The following GFOD1 variants were observed in gnomAD, a reference collection of about 807,000 sequenced individuals.
GFOD1 encodes the protein Gfo/Idh/MocA-like oxidoreductase domain containing 1, also known as glucose-fructose oxidoreductase domain-containing protein 1.
A neutral mutation model predicts 25.4 loss-of-function variants in GFOD1; 9 were observed. The observed-to-expected ratio is 0.35, with a 90% CI of 0.21 to 0.62. The LOEUF is 0.62. Among genes scored for constraint, GFOD1 ranks in the 20% least tolerant of loss-of-function variants. The pLI is 0.72. For missense variants in GFOD1, 403 were observed against 556.9 expected (o/e 0.72, Z 2.78); for synonymous variants, 253 against 245.6 (o/e 1.03, Z -0.28).
intron 1 of GFOD1, among the ~76,000 whole-genome samples, chr6:13,377,645 A>T (rs770163890): frequency 3.5e-4 from 53 of 152,196 alleles, no homozygotes; most frequent in Non-Finnish European, 6.5e-4. Flanking sequence ...GCCCACCCAG[A>T]TGATCCCCTT....
At chr6:13,398,235 T>C (rs1328779221) in intron 1 of GFOD1, among the ~76,000 whole-genome samples, 1 of 152,242 alleles carries the variant, frequency 6.6e-6, no homozygotes, top group Non-Finnish European at 1.5e-5. Context: ...AGATCAGGTA[T>C]GTACATACCT....
At chr6:13,452,744 CA>C (rs1364590257) in intron 1 of GFOD1, among the ~76,000 whole-genome samples, 1 of 151,984 alleles carries the variant, frequency 6.6e-6, no homozygotes, top group African/African-American at 2.4e-5. Flanking sequence ...GCCAAGCAGG[CA>C]GACTTAGCTT....
At chr6:13,416,634 C>T (rs890772561) in intron 1 of GFOD1, among the ~76,000 whole-genome samples, 1 of 152,076 alleles carries the variant, frequency 6.6e-6, no homozygotes, top group African/African-American at 2.4e-5. Flanking sequence ...GGTCTGTAGT[C>T]CTTGGTAAGA....
chr6:13,485,242 T>C (rs144787694), intron 1 of GFOD1, among the ~76,000 whole-genome samples: 11 of 152,368 alleles, frequency 7.2e-5, no homozygotes, highest in Admixed American at 3.3e-4. Context: ...TGCCTTTCTA[T>C]GGAGAAAGAG....
chr6:13,397,820 A>T (rs989874944), intron 1 of GFOD1, among the ~76,000 whole-genome samples: 9 of 152,250 alleles, frequency 5.9e-5, no homozygotes, highest in African/African-American at 2.2e-4. Flanking sequence ...GGCAGGGGCA[A>T]ACCTTTGCAA....
intron 1 of GFOD1, among the ~76,000 whole-genome samples, chr6:13,374,263 T>TG (rs1330621840): frequency 1.6e-4 from 11 of 70,632 alleles, no homozygotes; most frequent in East Asian, 1.5e-3. Flanking sequence ...TTTAAAAATA[T>TG]GTTTTTTTTT....
At chr6:13,427,559 G>A (rs1377787391) in intron 1 of GFOD1, among the ~76,000 whole-genome samples, 1 of 152,182 alleles carries the variant, frequency 6.6e-6, no homozygotes, top group Admixed American at 6.5e-5. Flanking sequence ...ACTGAGGCAG[G>A]AGGATCGCGT....
intron 1 of GFOD1, among the ~76,000 whole-genome samples, chr6:13,409,321 G>A (rs976172762): frequency 6.8e-6 from 1 of 146,200 alleles, no homozygotes; most frequent in Non-Finnish European, 1.5e-5. Flanking sequence ...AGGAAGAAAG[G>A]AAGGAAGGAG....
chr6:13,404,333 G>T (rs1305443329), intron 1 of GFOD1, among the ~76,000 whole-genome samples: 1 of 152,202 alleles, frequency 6.6e-6, no homozygotes, highest in Non-Finnish European at 1.5e-5. Context: ...GAGGGAAACT[G>T]CAGCCAGCCA....
Position 13,362,361 on chromosome 6 carries a change from C to G in GFOD1, c.*2382G>C, listed in dbSNP as rs1407710727. The G allele has an allele frequency of 6.6e-6, 1 of 150,880 alleles. No individual in the cohort carries two copies. The highest frequency in any genetic ancestry group is 1.5e-5 in the Non-Finnish European group (1 of 68,078). The allele number at this position is 150,880 out of a possible 1,614,324, so 9.3% of individuals were successfully genotyped here. ...CCCGTAGTCCCTGCTGCTCGGGAGG[C>G]TGAGACAGGAGAATCGCTTGAACCT... On this transcript the variant is annotated 3_prime_UTR_variant, in exon 2 of 2. Transcript: ENST00000379287.
chr6:13,425,643 GT>G (rs1334598179), intron 1 of GFOD1, among the ~76,000 whole-genome samples: 1 of 152,162 alleles, frequency 6.6e-6, no homozygotes, highest in Non-Finnish European at 1.5e-5. Context: ...TTCCTCACCA[GT>G]ATACACATTC....
chr6:13,401,709 T>C (rs1459233762), intron 1 of GFOD1, among the ~76,000 whole-genome samples: 1 of 152,220 alleles, frequency 6.6e-6, no homozygotes, highest in Non-Finnish European at 1.5e-5. Flanking sequence ...CCTGCGTCCA[T>C]GGATCAGAAA....
chr6:13,477,932 C>T (rs1758662827), intron 1 of GFOD1, among the ~76,000 whole-genome samples: 1 of 151,866 alleles, frequency 6.6e-6, no homozygotes, highest in Non-Finnish European at 1.5e-5. Flanking sequence ...GGCGTGGTCG[C>T]AAATGCCTGT....
intron 1 of GFOD1, among the ~76,000 whole-genome samples, chr6:13,407,661 G>A (rs1785973110): frequency 6.6e-6 from 1 of 152,184 alleles, no homozygotes; most frequent in Non-Finnish European, 1.5e-5. Context: ...ATCAAAAGCG[G>A]GAATGGGGTT....
Position 13,432,040 on chromosome 6 carries a change from G to A in GFOD1, c.253+54598C>T, listed in dbSNP as rs76943649. 6.5e-3 allele frequency among the ~76,000 whole-genome samples: 982 copies of A among 151,954 alleles called. 10 individuals are homozygous for A. Among genetic ancestry groups the A allele is most frequent in the African/African-American group, 0.023 (935 of 41,430 alleles). ...AGGGAGGAGAGGGTTCTCATTCCCC[G>A]GTGACTCAGCCCCAGCAAGGCCCAA... On this transcript the variant is annotated intron_variant, in intron 1 of 1. Transcript: ENST00000379287.
rs1407874374 is a variant in GFOD1, at chr6:13,360,614, A to C, written c.*4129T>G. ...ACCTACAATCAAAATGAACATAGGA[A>C]GTCAATTTTAAAAAAGGCTGAGTGA... On this transcript the variant is annotated 3_prime_UTR_variant, in exon 2 of 2. Transcript: ENST00000379287. The C allele has an allele frequency of 2.3e-6, 1 of 437,560 alleles. No homozygotes were observed. Among genetic ancestry groups the C allele is most frequent in the Non-Finnish European group, 4.7e-6 (1 of 213,062 alleles). The allele number at this position is 437,560 out of a possible 1,614,324, so 27.1% of individuals were successfully genotyped here.
chr6:13,469,566 C>G (rs1167771335), intron 1 of GFOD1: 1 of 1,055,818 alleles, frequency 9.5e-7, no homozygotes, highest in African/African-American at 1.7e-5. Context: ...GCTTTGGAGT[C>G]AAGCAAACTT....
rs371791660 is a variant in GFOD1 at position 13,378,684 on chromosome 6, C to T, written c.254-13022G>A. Among the ~76,000 whole-genome samples the T allele has an allele frequency of 2.5e-4, 38 of 152,268 alleles. No individual in the cohort carries two copies. The East Asian group carries it at 6.6e-3, about 26-fold the overall frequency. ...GCAAGTGGGCACCTCTCATCTCAGCCAAAGGAACCAGGCAGTGATGGGCAT... is the reference window on the plus strand; with the variant it reads ...GCAAGTGGGCACCTCTCATCTCAGCTAAAGGAACCAGGCAGTGATGGGCAT... On this transcript the variant is annotated intron_variant, in intron 1 of 1. Transcript: ENST00000379287.
At position 13,365,512 on chromosome 6, in the gene GFOD1, A is replaced by G. The variant is rs763810182; in HGVS notation, c.404T>C (p.Ile135Thr). ...LPAFVRMKQL[I>T]EEGYVGEPLV... ...CGGCTCGCCCACGTAGCCCTCCTCGATCAGCTGCTTCATGCGCACGAAAGC... is the reference window on the plus strand; with the variant it reads ...CGGCTCGCCCACGTAGCCCTCCTCGGTCAGCTGCTTCATGCGCACGAAAGC... Residue 135 changes from isoleucine to threonine, a missense_variant, in exon 2 of 2, where the codon ATC (isoleucine) becomes ACC (threonine). Physicochemically the swap from Ile to Thr is moderately conservative, Grantham distance 89 (BLOSUM62 -1). Transcript: ENST00000379287. This position sits in a 1 kb window ranked among gnomAD's most constrained non-coding sequence, Gnocchi z 9.2. The G allele has an allele frequency of 1.2e-6, 2 of 1,613,054 alleles. No individual in the cohort carries two copies. The highest frequency in any genetic ancestry group is 2.2e-5 in the South Asian group (2 of 91,086).
Sources: allele counts gnomAD v4.1 joint callset (sites outside exome capture counted in the v4.1 genomes callset), GRCh38; gene constraint gnomAD v4.1.1; non-coding constraint Gnocchi (gnomAD v3.1); transcripts MANE v1.5; gene names NCBI Gene and HGNC (gene_info 2026-07-23, HGNC 2026-07-21).